PRKCH: variants seen among roughly 807,000 people sequenced by gnomAD.
PRKCH encodes the protein protein kinase C eta.
In PRKCH, 28 loss-of-function variants were observed where a neutral mutation model predicts 82.5. That is an observed-to-expected ratio of 0.34 (90% CI 0.25 to 0.47). The LOEUF is 0.47. Ranked by LOEUF, PRKCH falls within the 20% of genes least tolerant of loss-of-function variation. The probability of loss-of-function intolerance (pLI) is 1.00; values close to 1 mark genes in which losing one functional copy is unlikely to be tolerated. For missense variants in PRKCH, 705 were observed against 881.8 expected (o/e 0.80, Z 2.54); for synonymous variants, 322 against 327.4 (o/e 0.98, Z 0.18).
At position 61,280,734 on chromosome 14, in the gene PRKCH, G is replaced by T; in HGVS notation, c.-19+93066G>T. 1 of 1,574,714 alleles carries T rather than the reference G, an allele frequency of 6.4e-7. No homozygotes were observed. Among genetic ancestry groups the T allele is most frequent in the South Asian group, 1.1e-5 (1 of 86,976 alleles). On this transcript the variant is annotated intron_variant, in intron 1 of 3. Coordinates refer to the PRKCH transcript ENST00000555185. The surrounding 1 kb of genome is among the most constrained non-coding windows in gnomAD (Gnocchi z 5.0). ...ACTCGTTGACAGGGTGGCGCAGCGC[G>T]CTGGGGAGTCCGCTCAGCTGCGCGT...
At chr14:61,220,448 T>C (rs1053168108) in intron 1 of PRKCH, among the ~76,000 whole-genome samples, 5 of 152,100 alleles carry the variant, frequency 3.3e-5, no homozygotes, top group Non-Finnish European at 7.4e-5. Context: ...ATTAAAGAGA[T>C]TTCTCAAGAA....
At chr14:61,442,470 C>T (rs954669829) in intron 2 of PRKCH, 1 of 152,148 alleles carries the variant, frequency 6.6e-6, no homozygotes, top group African/African-American at 2.4e-5. Flanking sequence ...CATAGATAGA[C>T]GCGAGGTCAC....
chr14:61,442,891 T>C, intron 2 of PRKCH: 1 of 427,778 alleles, frequency 2.3e-6, no homozygotes, highest in Non-Finnish European at 4.2e-6. Context: ...TAAGCCATGA[T>C]TGAGCCACTG....
intron 1 of PRKCH, among the ~76,000 whole-genome samples, chr14:61,296,925 A>G (rs189559156): frequency 6.6e-6 from 1 of 152,354 alleles, no homozygotes; most frequent in East Asian, 1.9e-4. Context: ...TATCTATGCA[A>G]TATGATCATT....
intron 1 of PRKCH, among the ~76,000 whole-genome samples, chr14:61,210,859 C>T (rs1477963393): frequency 2.6e-5 from 4 of 151,696 alleles, no homozygotes; most frequent in Non-Finnish European, 4.4e-5. Flanking sequence ...ATTAGAGAAG[C>T]AGAAGCACTA....
intron 1 of PRKCH, among the ~76,000 whole-genome samples, chr14:61,241,135 A>G (rs2044833275): frequency 6.6e-6 from 1 of 152,182 alleles, no homozygotes; most frequent in South Asian, 2.1e-4. Flanking sequence ...TGGCTCACAG[A>G]ACTCAGGAAA....
At chr14:61,509,388 A>C (rs1175894347) in intron 10 of PRKCH, among the ~76,000 whole-genome samples, 1 of 152,106 alleles carries the variant, frequency 6.6e-6, no homozygotes, top group Non-Finnish European at 1.5e-5. Flanking sequence ...CTTCTTCACG[A>C]TTGAGTTACC....
At chr14:61,428,046 G>T (rs1015124456) in intron 2 of PRKCH, among the ~76,000 whole-genome samples, 5 of 69,528 alleles carry the variant, frequency 7.2e-5, no homozygotes, top group African/African-American at 2.0e-4. Context: ...TATATATATA[G>T]ATAGATAGAT....
rs1024914889 is a variant in PRKCH at position 61,396,274 on chromosome 14, G to T, written c.427+4986G>T. On this transcript the variant is annotated intron_variant, in intron 2 of 13. Transcript: ENST00000332981. ...TAAAAAAAATTACTTAAATTGGACG[G>T]TGGTCTGTGATATACAAGGCTGGTA... 2.6e-5 allele frequency among the ~76,000 whole-genome samples: 4 copies of T among 151,944 alleles called. No homozygotes were observed. The East Asian group carries it at 7.7e-4, about 29-fold the overall frequency.
intron 2 of PRKCH, among the ~76,000 whole-genome samples, chr14:61,412,318 T>C (rs1424027705): frequency 2.0e-5 from 3 of 152,156 alleles, no homozygotes; most frequent in African/African-American, 7.2e-5. Context: ...TACTTGTCTT[T>C]AAAAAGACAA....
At chr14:61,507,288 T>G (rs1194266715) in intron 10 of PRKCH, among the ~76,000 whole-genome samples, 2 of 152,128 alleles carry the variant, frequency 1.3e-5, no homozygotes, top group Non-Finnish European at 2.9e-5. Flanking sequence ...TGAGGACAAG[T>G]GTTGGCAAGG....
intron 2 of PRKCH, among the ~76,000 whole-genome samples, chr14:61,427,384 T>C (rs906539319): frequency 5.0e-4 from 76 of 152,258 alleles, no homozygotes; most frequent in African/African-American, 1.8e-3. Flanking sequence ...ATGTTTCCTA[T>C]ATAGACCTAG....
intron 12 of PRKCH, among the ~76,000 whole-genome samples, chr14:61,537,354 AT>A (rs993797506): frequency 5.5e-4 from 83 of 152,188 alleles, no homozygotes; most frequent in Non-Finnish European, 1.1e-3. Context: ...TTATTTCTTA[AT>A]TTTTTTTAAC....
intron 12 of PRKCH, chr14:61,543,608 C>T (rs1338498901): frequency 2.6e-5 from 4 of 152,160 alleles, no homozygotes; most frequent in East Asian, 3.8e-4. Context: ...CCTCTTTGGC[C>T]GACTTTCCCT....
intron 1 of PRKCH, among the ~76,000 whole-genome samples, chr14:61,323,071 G>A (rs2045651320): frequency 6.6e-6 from 1 of 152,116 alleles, no homozygotes; most frequent in Non-Finnish European, 1.5e-5. Flanking sequence ...ACATATACTT[G>A]CAAGTAACTT....
intron 10 of PRKCH, among the ~76,000 whole-genome samples, chr14:61,505,562 A>T (rs1355041257): frequency 6.6e-6 from 1 of 150,754 alleles, no homozygotes; most frequent in East Asian, 1.9e-4. Flanking sequence ...TTTAGTAGAG[A>T]TGGGGTTTCT....
Position 61,342,726 on chromosome 14 carries a change from A to G in PRKCH, c.363+20262A>G, listed in dbSNP as rs1594929908. 2.0e-5 allele frequency among the ~76,000 whole-genome samples: 3 copies of G among 152,186 alleles called. No individual in the cohort carries two copies. The East Asian group carries it at 5.8e-4, about 29-fold the overall frequency. Reference sequence around the variant, plus strand: ...CACTGAAAATGCAACAGATCTTAACATCTCTTGCTGCAAATTTTCCAGTGT... The same window carrying G: ...CACTGAAAATGCAACAGATCTTAACGTCTCTTGCTGCAAATTTTCCAGTGT... On this transcript the variant is annotated intron_variant, in intron 1 of 13. Coordinates refer to ENST00000332981, the MANE Select transcript of PRKCH (RefSeq NM_006255.5).
intron 1 of PRKCH, among the ~76,000 whole-genome samples, chr14:61,231,508 A>G (rs1594864071): frequency 6.6e-6 from 1 of 151,748 alleles, no homozygotes; most frequent in African/African-American, 2.4e-5. Flanking sequence ...GACTATAGGC[A>G]CCCGCCACCA....
At chr14:61,527,019 T>C (rs1416899956) in intron 10 of PRKCH, among the ~76,000 whole-genome samples, 1 of 152,244 alleles carries the variant, frequency 6.6e-6, no homozygotes, top group African/African-American at 2.4e-5. Flanking sequence ...AGGCTAGCAA[T>C]GCCACCCTCC....
Sources: gnomAD v4.1 joint callset for allele counts (sites outside exome capture counted in the v4.1 genomes callset) on GRCh38, gnomAD v4.1.1 for gene constraint, Gnocchi (gnomAD v3.1) non-coding constraint, MANE v1.5 for transcripts, NCBI Gene and HGNC (gene_info 2026-07-23, HGNC 2026-07-21) for gene names.